ZC4H2: variants seen among roughly 807,000 people sequenced by gnomAD.
ZC4H2 encodes the protein zinc finger C4H2-type containing.
For missense variants in ZC4H2, 137 were observed against 173.9 expected (o/e 0.79, Z 1.19); for synonymous variants, 84 against 66.3 (o/e 1.27, Z -1.30).
intron 1 of ZC4H2, among the ~76,000 whole-genome samples, chrX:64,950,379 A>G (rs902317165): frequency 1.8e-5 from 2 of 111,295 alleles, no homozygotes; most frequent in African/African-American, 6.5e-5. Flanking sequence ...CGGTGCAGAG[A>G]TGAGTTCAAT....
chrX:64,945,605 C>A (rs7063415), intron 1 of ZC4H2, among the ~76,000 whole-genome samples: 1 of 111,045 alleles, frequency 9.0e-6, no homozygotes, highest in Non-Finnish European at 1.9e-5. Context: ...ATAGCTCTAG[C>A]ACTCTGATGG....
chrX:64,950,198 C>T (rs768073320), intron 1 of ZC4H2, among the ~76,000 whole-genome samples: 62 of 111,746 alleles, frequency 5.5e-4, no homozygotes, highest in African/African-American at 1.9e-3. Context: ...TTTGATTGCA[C>T]CGTGGTCTGA....
upstream of ZC4H2, among the ~76,000 whole-genome samples, chrX:64,978,247 C>T (rs750905207): frequency 1.8e-5 from 2 of 111,914 alleles, no homozygotes; most frequent in Admixed American, 9.4e-5. Flanking sequence ...TGGATGTCCA[C>T]AGTGATTTTA....
At chrX:64,926,058 A>C (rs1378292276) in intron 1 of ZC4H2, among the ~76,000 whole-genome samples, 1 of 111,867 alleles carries the variant, frequency 8.9e-6, no homozygotes, top group African/African-American at 3.3e-5. Context: ...ACTATTTGTA[A>C]AGTCAGTTTC....
intron 1 of ZC4H2, among the ~76,000 whole-genome samples, chrX:64,983,733 C>T (rs992499568): frequency 1.8e-5 from 2 of 111,538 alleles, no homozygotes; most frequent in Admixed American, 1.9e-4. Flanking sequence ...AAAAAATAAC[C>T]TGTAGCTCTA....
intron 1 of ZC4H2, among the ~76,000 whole-genome samples, chrX:64,945,750 G>A (rs1930498521): frequency 9.0e-6 from 1 of 111,611 alleles, no homozygotes; most frequent in Admixed American, 9.5e-5. Context: ...AACTGGGACT[G>A]CTGCCTTTTT....
intron 1 of ZC4H2, among the ~76,000 whole-genome samples, chrX:64,972,067 C>A (rs1363557120): frequency 9.0e-6 from 1 of 111,553 alleles, no homozygotes; most frequent in Non-Finnish European, 1.9e-5. Context: ...TTCTATCTCC[C>A]TTCTTTTGTT....
chrX:64,989,360 G>A (rs982052509), intron 1 of ZC4H2, among the ~76,000 whole-genome samples: 1 of 111,906 alleles, frequency 8.9e-6, no homozygotes, highest in Non-Finnish European at 1.9e-5. Flanking sequence ...AGCATGGAAT[G>A]TTCTTCCATT....
At chrX:64,949,102 A>G (rs749008993) in intron 1 of ZC4H2, among the ~76,000 whole-genome samples, 29 of 111,986 alleles carry the variant, frequency 2.6e-4, no homozygotes, top group Non-Finnish European at 4.0e-4. Flanking sequence ...TATGGTCCAA[A>G]TGATTAAGAT....
chrX:64,993,586 T>G (rs1033763718), intron 1 of ZC4H2, among the ~76,000 whole-genome samples: 2 of 111,636 alleles, frequency 1.8e-5, no homozygotes, highest in Non-Finnish European at 3.8e-5. Flanking sequence ...TGGAATCTGC[T>G]AGTGCCTCGA....
At chrX:64,928,799 CCTTCTTCTTCTCCTT>C (rs1363380613) in intron 1 of ZC4H2, among the ~76,000 whole-genome samples, 17 of 92,110 alleles carry the variant, frequency 1.8e-4, no homozygotes, top group Non-Finnish European at 3.1e-4. Context: ...TTTTTCTTCT[CCTTCTTCTTCTCCTT>C]CTTCTTCTTC....
chrX:64,983,219 C>T (rs1313676345), intron 1 of ZC4H2, among the ~76,000 whole-genome samples: 2 of 111,695 alleles, frequency 1.8e-5, no homozygotes, highest in Admixed American at 1.9e-4. Context: ...GGGTTTTGGT[C>T]TTCTCGTATG....
intron 3 of ZC4H2, chrX:64,919,879 T>C (rs1262884303): frequency 2.7e-6 from 1 of 368,988 alleles, no homozygotes; most frequent in Admixed American, 5.0e-5. Flanking sequence ...TAATCCTCCT[T>C]CTGTTTTAAC....
At chrX:64,946,150 A>AC (rs1930520309) in intron 1 of ZC4H2, among the ~76,000 whole-genome samples, 1 of 108,332 alleles carries the variant, frequency 9.2e-6, no homozygotes, top group East Asian at 4.2e-4. Context: ...CAAAACCAAA[A>AC]CAAAACAAAA....
rs1367994388 is a variant in ZC4H2, at chrX:64,919,063, C to T, written c.540G>A (p.Arg180=). The T allele has an allele frequency of 3.4e-6, 4 of 1,173,783 alleles. No homozygotes were observed. Among genetic ancestry groups the T allele is most frequent in the Non-Finnish European group, 4.6e-6 (4 of 874,457 alleles). The change falls in exon 4 of 5, where the codon AGG becomes AGA. Residue 180 remains arginine (R), a synonymous_variant. Transcript: ENST00000374839. ...KQDTRQTATF[R]QQPPPMKACL... ...TTACCTTCATAGGTGGGGGCTGCTG[C>T]CTGAAGGTGGCCGTCTGCCGAGTAT...
rs770413881 is a variant in ZC4H2, at chrX:64,976,417, A to C, written c.-40T>G. 7 of 1,180,668 alleles carry C rather than the reference A, an allele frequency of 5.9e-6. No homozygotes were observed. The highest frequency in any genetic ancestry group is 8.1e-6 in the Non-Finnish European group (7 of 867,300). ...ATTTCACGTCCCGAGAGATGTACAA[A>C]TACACCAGCCAAGGGATACAATAGA... On this transcript the variant is annotated 5_prime_UTR_variant, in exon 1 of 5. Coordinates refer to ENST00000374839, the MANE Select transcript of ZC4H2 (RefSeq NM_018684.4).
At chrX:64,952,438 TCTC>T (rs1930898675) in intron 1 of ZC4H2, among the ~76,000 whole-genome samples, 2 of 110,084 alleles carry the variant, frequency 1.8e-5, no homozygotes, top group Admixed American at 1.9e-4. Context: ...CAGCCCAAAA[TCTC>T]CTCAAGCTGA....
intron 1 of ZC4H2, among the ~76,000 whole-genome samples, chrX:64,938,658 CACATAA>C (rs1166217584): frequency 1.8e-5 from 2 of 111,896 alleles, no homozygotes; most frequent in African/African-American, 3.2e-5. Flanking sequence ...TGCAATCCAT[CACATAA>C]ACATAACCAA....
intron 1 of ZC4H2, among the ~76,000 whole-genome samples, chrX:64,950,990 T>C (rs1182655139): frequency 9.1e-6 from 1 of 110,390 alleles, no homozygotes; most frequent in East Asian, 2.9e-4. Flanking sequence ...CAGAGTGTGA[T>C]GTTCCCCTTC....
Sources: gnomAD v4.1 joint callset for allele counts (sites outside exome capture counted in the v4.1 genomes callset) on GRCh38, gnomAD v4.1.1 for gene constraint, MANE v1.5 for transcripts, NCBI Gene and HGNC (gene_info 2026-07-23, HGNC 2026-07-21) for gene names.